Variants in PTGER3 observed in about 807,000 individuals in gnomAD.
PTGER3 encodes the protein prostaglandin E2 receptor EP3 subtype.
PTGER3 carries 22 observed loss-of-function variants against 34.7 expected under a neutral mutation model. The ratio of observed to expected loss-of-function variants is 0.63; its 90% confidence interval spans 0.45 to 0.91. PTGER3 has a LOEUF of 0.91. Ranked by LOEUF, PTGER3 falls within the 40% of genes least tolerant of loss-of-function variation. The probability of loss-of-function intolerance (pLI) is 0.00; values close to 1 mark genes in which losing one functional copy is unlikely to be tolerated. For missense variants in PTGER3, 468 were observed against 519.4 expected (o/e 0.90, Z 0.96); for synonymous variants, 241 against 230.1 (o/e 1.05, Z -0.43).
chr1:70,984,593 C>T (rs905854848), intron 2 of PTGER3, among the ~76,000 whole-genome samples: 3 of 151,766 alleles, frequency 2.0e-5, no homozygotes, highest in Non-Finnish European at 4.4e-5. Flanking sequence ...CTGGTGTGAG[C>T]CTATAGTCCC....
chr1:71,011,538 G>T, intron 2 of PTGER3: 1 of 984,986 alleles, frequency 1.0e-6, no homozygotes, highest in Non-Finnish European at 1.2e-6. Context: ...ATATTCAAAA[G>T]AAAGAATAAT....
At chr1:70,873,231 A>G (rs1022234807) in intron 4 of PTGER3, among the ~76,000 whole-genome samples, 1 of 152,216 alleles carries the variant, frequency 6.6e-6, no homozygotes, top group Non-Finnish European at 1.5e-5. Flanking sequence ...TCCACAAATT[A>G]TTCTGCTATG....
intron 3 of PTGER3, among the ~76,000 whole-genome samples, chr1:70,953,480 A>G (rs111740046): frequency 1.3e-5 from 2 of 152,132 alleles, no homozygotes; most frequent in Admixed American, 6.5e-5. Context: ...GATGAGGACA[A>G]TGTGCTGCCA....
At chr1:70,857,123 G>A (rs765249810) in intron 4 of PTGER3, among the ~76,000 whole-genome samples, 1 of 152,206 alleles carries the variant, frequency 6.6e-6, no homozygotes, top group Non-Finnish European at 1.5e-5. Context: ...CACAAGAGGA[G>A]AAGGAACGTC....
At chr1:70,957,299 C>T (rs1212954809) in intron 2 of PTGER3, among the ~76,000 whole-genome samples, 1 of 152,166 alleles carries the variant, frequency 6.6e-6, no homozygotes, top group African/African-American at 2.4e-5. Flanking sequence ...AGAAATCTGA[C>T]TATTCAAAGC....
At chr1:70,868,759 C>A (rs1253302593) in intron 4 of PTGER3, among the ~76,000 whole-genome samples, 2 of 152,104 alleles carry the variant, frequency 1.3e-5, no homozygotes, top group African/African-American at 4.8e-5. Context: ...GCATGAGTTC[C>A]AATCATCATC....
intron 4 of PTGER3, among the ~76,000 whole-genome samples, chr1:70,937,958 A>T (rs2100529721): frequency 6.6e-6 from 1 of 152,282 alleles, no homozygotes; most frequent in South Asian, 2.1e-4. Context: ...TATTTAGAGT[A>T]TTGGCCTTTA....
intron 4 of PTGER3, among the ~76,000 whole-genome samples, chr1:70,885,510 A>C (rs1453459525): frequency 2.6e-5 from 4 of 152,218 alleles, no homozygotes; most frequent in Non-Finnish European, 5.9e-5. Context: ...ATATGGGTTA[A>C]GTGGTACATA....
At chr1:70,905,333 A>G (rs1485471194) in intron 4 of PTGER3, among the ~76,000 whole-genome samples, 9 of 152,012 alleles carry the variant, frequency 5.9e-5, no homozygotes, top group African/African-American at 2.2e-4. Flanking sequence ...TGGAGCTGTA[A>G]GAAGATGACC....
At chr1:71,043,656 C>G (rs1660497530) in intron 1 of PTGER3, among the ~76,000 whole-genome samples, 1 of 152,194 alleles carries the variant, frequency 6.6e-6, no homozygotes, top group Non-Finnish European at 1.5e-5. Context: ...GCGTTAATCT[C>G]TCATTTTAAC....
chr1:70,923,848 G>T (rs943034440), intron 4 of PTGER3, among the ~76,000 whole-genome samples: 4 of 152,162 alleles, frequency 2.6e-5, no homozygotes, highest in Non-Finnish European at 5.9e-5. Context: ...ATAGTTATTT[G>T]CATGACTGCA....
intron 4 of PTGER3, among the ~76,000 whole-genome samples, chr1:70,890,971 A>G (rs951037365): frequency 6.6e-6 from 1 of 152,150 alleles, no homozygotes; most frequent in Non-Finnish European, 1.5e-5. Context: ...CTTCATACCT[A>G]TTGACATGCT....
rs909731541 is a variant in PTGER3, at chr1:70,892,600, G to A, written c.*24-39741C>T. ...TCACACCTGTAATCCCAGCACTTTG[G>A]GAGGCTGAGGTGGGTGGATCATTTG... On this transcript the variant is annotated intron_variant, in intron 4 of 4. Coordinates refer to the PTGER3 transcript ENST00000370931. Among the ~76,000 whole-genome samples the A allele has an allele frequency of 5.3e-5, 8 of 152,068 alleles. No individual in the cohort carries two copies. In the South Asian group the frequency reaches 1.5e-3, roughly 28 times the overall value.
At chr1:70,932,330 T>C (rs188870229) in intron 4 of PTGER3, among the ~76,000 whole-genome samples, 14 of 152,282 alleles carry the variant, frequency 9.2e-5, no homozygotes, top group Admixed American at 3.9e-4. Context: ...CCCCAAACTG[T>C]TCCAACCTTT....
chr1:71,028,372 C>G (rs1185163639), intron 1 of PTGER3, among the ~76,000 whole-genome samples: 2 of 152,140 alleles, frequency 1.3e-5, no homozygotes, highest in African/African-American at 2.4e-5. Flanking sequence ...AAGAGAGATG[C>G]GGCAAACTTT....
At chr1:70,929,965 C>T (rs1648529318) in intron 4 of PTGER3, among the ~76,000 whole-genome samples, 1 of 152,162 alleles carries the variant, frequency 6.6e-6, no homozygotes, top group Non-Finnish European at 1.5e-5. Context: ...AATGCTTCCT[C>T]TTATATTGCT....
chr1:70,893,755 A>G (rs1254247846), intron 4 of PTGER3, among the ~76,000 whole-genome samples: 1 of 152,200 alleles, frequency 6.6e-6, no homozygotes, highest in Non-Finnish European at 1.5e-5. Context: ...TGCCAAGATG[A>G]ACGTATGCAA....
intron 2 of PTGER3, among the ~76,000 whole-genome samples, chr1:70,977,160 G>A (rs1294161595): frequency 4.6e-5 from 7 of 152,012 alleles, no homozygotes; most frequent in Non-Finnish European, 4.4e-5. Context: ...TAACTCTTGG[G>A]CCAAATTATT....
At chr1:71,042,650 T>A (rs1660416522) in intron 1 of PTGER3, among the ~76,000 whole-genome samples, 1 of 152,192 alleles carries the variant, frequency 6.6e-6, no homozygotes, top group Non-Finnish European at 1.5e-5. Context: ...AGATTAGCAA[T>A]TGAATAATAC....
Sources: gnomAD v4.1 joint callset for allele counts (sites outside exome capture counted in the v4.1 genomes callset) on GRCh38, gnomAD v4.1.1 for gene constraint, MANE v1.5 for transcripts, NCBI Gene and HGNC (gene_info 2026-07-23, HGNC 2026-07-21) for gene names.